Variants in THADA observed in about 807,000 individuals in gnomAD.
The protein encoded by THADA is THADA armadillo repeat containing.
In THADA, 213 loss-of-function variants were observed where a neutral mutation model predicts 219.8. That is an observed-to-expected ratio of 0.97 (90% CI 0.87 to 1.09). The LOEUF is 1.09. Among genes scored for constraint, THADA ranks in the 50% least tolerant of loss-of-function variants. The pLI is 0.00. For missense variants in THADA, 2,956 were observed against 2,311.3 expected, an observed-to-expected ratio of 1.28 and a Z score of -5.72; for synonymous variants, 1,018 against 828.9, an observed-to-expected ratio of 1.23 and a Z score of -3.92.
rs1339125063 is a variant in THADA, at chr2:43,427,225, C to T, written c.4058+875G>A. On this transcript the variant is annotated intron_variant, in intron 28 of 37. Transcript: ENST00000405975. ...AGAGGCAGATGTCCTGACATCCTCT[C>T]GAACCCGTGGACAGAAGATACATAC... Among the ~76,000 whole-genome samples the T allele has an allele frequency of 3.9e-5, 6 of 152,262 alleles. No homozygotes were observed. The South Asian group carries it at 6.2e-4, about 16-fold the overall frequency.
At chr2:43,437,861 T>C (rs1236573221) in intron 26 of THADA, among the ~76,000 whole-genome samples, 1 of 152,066 alleles carries the variant, frequency 6.6e-6, no homozygotes, top group African/African-American at 2.4e-5. Context: ...TATCTAAGAA[T>C]TACATAATCA....
At chr2:43,454,541 G>A (rs1260752454) in intron 26 of THADA, among the ~76,000 whole-genome samples, 2 of 152,034 alleles carry the variant, frequency 1.3e-5, no homozygotes, top group African/African-American at 2.4e-5. Flanking sequence ...GGTCGAGGCT[G>A]CAGTGAGCCA....
rs1286920044 is a variant in THADA, at chr2:43,577,211, C to T, written c.848G>A (p.Cys283Tyr). ...CATAAACCACTCGGGGACACTGGTG[C>T]AGTCCACTGAACGAAGCAGCACACT... ...ISSVLLRSVDCTSVPEWFMSS... is the reference protein window; with the variant it reads ...ISSVLLRSVDYTSVPEWFMSS... The change falls in exon 10 of 38, where the codon TGC becomes TAC. Residue 283 changes from cysteine to tyrosine, a missense_variant. Coordinates refer to ENST00000405975, the MANE Select transcript of THADA (RefSeq NM_022065.5). 5.0e-6 allele frequency: 8 copies of T among 1,599,764 alleles called. No homozygotes were observed. Among genetic ancestry groups the T allele is most frequent in the Non-Finnish European group, 6.8e-6 (8 of 1,173,392 alleles).
At chr2:43,496,899 G>A (rs1360948033) in intron 25 of THADA, among the ~76,000 whole-genome samples, 1 of 152,074 alleles carries the variant, frequency 6.6e-6, no homozygotes, top group Non-Finnish European at 1.5e-5. Context: ...CAACCTAAAC[G>A]TCCATCAACA....
intron 26 of THADA, among the ~76,000 whole-genome samples, chr2:43,480,707 A>G (rs1283137502): frequency 1.3e-5 from 2 of 151,324 alleles, no homozygotes; most frequent in African/African-American, 4.9e-5. Flanking sequence ...AATCCCAGCT[A>G]CTCGGGAGGC....
chr2:43,557,997 G>A (rs1439247143), intron 16 of THADA, among the ~76,000 whole-genome samples: 1 of 152,158 alleles, frequency 6.6e-6, no homozygotes, highest in African/African-American at 2.4e-5. Flanking sequence ...ATAAGTATTA[G>A]AAAGAACCAA....
At chr2:43,364,594 T>C (rs1046683537) in intron 29 of THADA, among the ~76,000 whole-genome samples, 2 of 152,350 alleles carry the variant, frequency 1.3e-5, no homozygotes, top group East Asian at 3.9e-4. Context: ...TTCTATTATA[T>C]ATACTGACAC....
intron 36 of THADA, among the ~76,000 whole-genome samples, chr2:43,247,292 G>T (rs1572756438): frequency 6.6e-6 from 1 of 152,128 alleles, no homozygotes; most frequent in Non-Finnish European, 1.5e-5. Flanking sequence ...AAGTCATTTT[G>T]TTAGTAACAC....
intron 26 of THADA, among the ~76,000 whole-genome samples, chr2:43,432,460 CTTT>C (rs536184758): frequency 1.4e-5 from 2 of 141,318 alleles, no homozygotes; most frequent in Non-Finnish European, 3.1e-5. Context: ...GGTTCTTTAC[CTTT>C]TTTTTTTTTT....
chr2:43,386,192 C>A lies in THADA; in HGVS notation c.4227+11779G>T, dbSNP rs142255267. On this transcript the variant is annotated intron_variant, in intron 29 of 37. Coordinates refer to ENST00000405975, the MANE Select transcript of THADA (RefSeq NM_022065.5). The stretch of plus-strand genomic sequence containing the variant: ...ATGAAGCAGGAAGGCAACAATTGGC[C>A]AAAAAGGTGAACATTTGCAAGTACA... 6.6e-5 allele frequency among the ~76,000 whole-genome samples: 10 copies of A among 152,082 alleles called. 1 individual carries two copies. The highest frequency in any genetic ancestry group is 2.4e-4 in the African/African-American group (10 of 41,508).
At chr2:43,290,419 G>A (rs182068914) in intron 34 of THADA, among the ~76,000 whole-genome samples, 21 of 152,030 alleles carry the variant, frequency 1.4e-4, no homozygotes, top group African/African-American at 4.6e-4. Context: ...TTGAGTGACA[G>A]ATCTAAGGAA....
At chr2:43,489,197 C>G (rs13412268) in intron 25 of THADA, among the ~76,000 whole-genome samples, 2 of 151,808 alleles carry the variant, frequency 1.3e-5, no homozygotes. Flanking sequence ...TTTAACTTTT[C>G]TAAGACAGCT....
intron 20 of THADA, among the ~76,000 whole-genome samples, chr2:43,543,186 C>G (rs1216916275): frequency 1.4e-5 from 2 of 147,920 alleles, no homozygotes; most frequent in Non-Finnish European, 3.0e-5. Context: ...CATCCATGTC[C>G]CTACAAAGGA....
Position 43,232,247 on chromosome 2 carries a change from C to T in THADA, c.5466+466G>A, listed in dbSNP as rs570743307. Among the ~76,000 whole-genome samples, 506 of 151,332 alleles carry T rather than the reference C, an allele frequency of 3.3e-3. 2 individuals carry two copies. The highest frequency in any genetic ancestry group is 5.5e-3 in the Non-Finnish European group (371 of 67,834). Reference sequence around the variant, plus strand: ...AGGCTGGAGTGCAGTGGTGCAATCTCGGCTCACTGCAACCTCCGCCTCCCA... The same window carrying T: ...AGGCTGGAGTGCAGTGGTGCAATCTTGGCTCACTGCAACCTCCGCCTCCCA... On this transcript the variant is annotated intron_variant, in intron 37 of 37. Coordinates refer to ENST00000405975, the MANE Select transcript of THADA (RefSeq NM_022065.5).
At chr2:43,549,481 T>C (rs1696495900) in intron 19 of THADA, 113 bp from the exon 20 acceptor site, 2 of 1,063,816 alleles carry the variant, frequency 1.9e-6, no homozygotes, top group East Asian at 2.8e-5. Flanking sequence ...TAATCAGCTT[T>C]ATTAGAAGGG....
intron 26 of THADA, among the ~76,000 whole-genome samples, chr2:43,438,767 T>G (rs896619661): frequency 6.6e-6 from 1 of 152,212 alleles, no homozygotes; most frequent in Non-Finnish European, 1.5e-5. Context: ...TGGATAGCAC[T>G]GAACTGTGTA....
At chr2:43,364,070 A>G (rs1293834716) in intron 29 of THADA, among the ~76,000 whole-genome samples, 1 of 146,516 alleles carries the variant, frequency 6.8e-6, no homozygotes, top group Non-Finnish European at 1.5e-5. Context: ...CAAAATTACA[A>G]AAAATTATAT....
chr2:43,556,102 C>A (rs6754589), intron 17 of THADA: 213,276 of 867,322 alleles, frequency 0.25, 27,367 homozygotes, highest in African/African-American at 0.37. Context: ...ATTCTCATTT[C>A]AAAAGAGCTT....
chr2:43,398,243 TA>T (rs760027263), intron 28 of THADA, 104 bp from the exon 29 acceptor site: 2 of 1,240,726 alleles, frequency 1.6e-6, no homozygotes, highest in Non-Finnish European at 2.3e-6. Flanking sequence ...ATCCAGGGGT[TA>T]GGGGGAGACA....
Sources: allele counts gnomAD v4.1 joint callset (sites outside exome capture counted in the v4.1 genomes callset), GRCh38; gene constraint gnomAD v4.1.1; transcripts MANE v1.5; gene names NCBI Gene and HGNC (gene_info 2026-07-23, HGNC 2026-07-21).